SRGAP3: variants seen among roughly 807,000 people sequenced by gnomAD.
SRGAP3 encodes SLIT-ROBO Rho GTPase activating protein 3.
In SRGAP3, 39 loss-of-function variants were observed where a neutral mutation model predicts 121.1. That is an observed-to-expected ratio of 0.32 (90% confidence interval 0.25 to 0.42). The LOEUF is 0.42. SRGAP3 is among the 10% of genes least tolerant of loss of function. The probability of loss-of-function intolerance (pLI) is 1.00; values close to 1 mark genes in which losing one functional copy is unlikely to be tolerated. For synonymous variants in SRGAP3, 601 were observed against 570.0 expected (o/e 1.05, Z -0.77); for missense variants, 1,213 against 1,470.6 (o/e 0.82, Z 2.86).
At position 9,086,517 on chromosome 3, in the gene SRGAP3, CAAAAAAAA is replaced by C. The variant is rs1242587521; in HGVS notation, c.424-6438_424-6431del. Among the ~76,000 whole-genome samples, 5 of 87,088 alleles carry C rather than the reference CAAAAAAAA, an allele frequency of 5.7e-5. No homozygotes were observed. The East Asian group carries it at 1.4e-3, about 25-fold the overall frequency. The allele number at this position is 87,088 out of a possible 152,430, so 57.1% of individuals were successfully genotyped here. ...CCTGGGTGACAGAATGAGACTGTTT[CAAAAAAAA>C]AAAAAAAAAAAAACCATATATACGT... On this transcript the variant is annotated intron_variant, in intron 3 of 21. Transcript: ENST00000383836.
chr3:9,270,806 G>T (rs1954459585), intron 3 of SRGAP3, among the ~76,000 whole-genome samples: 1 of 152,058 alleles, frequency 6.6e-6, no homozygotes, highest in African/African-American at 2.4e-5. Context: ...TTAAGCAAGA[G>T]ATTTTTTTTT....
At position 8,985,516 on chromosome 3, in the gene SRGAP3, A is replaced by T; in HGVS notation, c.*3T>A. 1 of 1,598,164 alleles carries T rather than the reference A, an allele frequency of 6.3e-7. No homozygotes were observed. The highest frequency in any genetic ancestry group is 8.5e-7 in the Non-Finnish European group (1 of 1,179,388). ...GCCACGGCGGCGCGGCCCATCCTGCAGGTCACATGGTGCCCGACTTGTCCG... is the reference window on the plus strand; with the variant it reads ...GCCACGGCGGCGCGGCCCATCCTGCTGGTCACATGGTGCCCGACTTGTCCG... On this transcript the variant is annotated 3_prime_UTR_variant, in exon 22 of 22. Transcript: ENST00000383836. This position sits in a 1 kb window ranked among gnomAD's most constrained non-coding sequence, Gnocchi z 5.1.
At chr3:9,313,240 C>T (rs1367092200) in intron 3 of SRGAP3, among the ~76,000 whole-genome samples, 2 of 152,210 alleles carry the variant, frequency 1.3e-5, no homozygotes, top group African/African-American at 4.8e-5. Context: ...CCTAGATACC[C>T]ACATGGCACG....
chr3:9,206,579 A>G (rs1161389921), intron 1 of SRGAP3, among the ~76,000 whole-genome samples: 1 of 152,152 alleles, frequency 6.6e-6, no homozygotes, highest in Non-Finnish European at 1.5e-5. Flanking sequence ...CTGCCACAGC[A>G]GCCTCCTGAA....
chr3:9,206,441 G>A (rs1449969504), intron 1 of SRGAP3, among the ~76,000 whole-genome samples: 1 of 152,112 alleles, frequency 6.6e-6, no homozygotes, highest in Non-Finnish European at 1.5e-5. Context: ...TCCTCAAATA[G>A]ACTCATCATC....
intron 1 of SRGAP3, among the ~76,000 whole-genome samples, chr3:9,348,218 TGTG>T (rs1955941909): frequency 6.6e-6 from 1 of 152,184 alleles, no homozygotes; most frequent in Non-Finnish European, 1.5e-5. Flanking sequence ...GCACATTCTC[TGTG>T]GTAGGTGAAA....
At chr3:9,139,382 A>C (rs1949771903) in intron 1 of SRGAP3, among the ~76,000 whole-genome samples, 1 of 152,212 alleles carries the variant, frequency 6.6e-6, no homozygotes, top group African/African-American at 2.4e-5. Context: ...ACCCTAATGC[A>C]ATTACAAGTG....
At chr3:9,253,866 T>C (rs1368226064), upstream of SRGAP3, among the ~76,000 whole-genome samples, 2 of 152,220 alleles carry the variant, frequency 1.3e-5, no homozygotes, top group African/African-American at 2.4e-5. Context: ...AGGGCTGTTT[T>C]CAATACCTGT....
chr3:9,071,618 GGAGA>G (rs1946720028), intron 4 of SRGAP3, among the ~76,000 whole-genome samples: 1 of 151,680 alleles, frequency 6.6e-6, no homozygotes, highest in African/African-American at 2.4e-5. Flanking sequence ...ACCAGAAGTG[GGAGA>G]GAGACTGATT....
chr3:9,286,853 C>T (rs1295875041), intron 3 of SRGAP3, among the ~76,000 whole-genome samples: 1 of 151,938 alleles, frequency 6.6e-6, no homozygotes, highest in Non-Finnish European at 1.5e-5. Flanking sequence ...CTGCCTGCCT[C>T]AGCCTCCCAA....
In SRGAP3 at chr3:9,266,172, T is replaced by C. The variant is rs77066246; in HGVS notation, n.442+59838A>G. Among the ~76,000 whole-genome samples the C allele has an allele frequency of 2.6e-3, 396 of 152,154 alleles. 2 individuals are homozygous for C. Among genetic ancestry groups the C allele is most frequent in the African/African-American group, 9.3e-3 (385 of 41,510 alleles). On this transcript the variant is annotated intron_variant and non_coding_transcript_variant, in intron 3 of 3. Transcript: ENST00000490889. The stretch of plus-strand genomic sequence containing the variant: ...TCACTCATAAGTGGGAGTTGAACAA[T>C]GAGAACATATGGACACAGGGAGAGG...
intron 1 of SRGAP3, among the ~76,000 whole-genome samples, chr3:9,237,450 A>C (rs1953455207): frequency 6.6e-6 from 1 of 152,244 alleles, no homozygotes; most frequent in African/African-American, 2.4e-5. Context: ...GAAGAAACAA[A>C]GAAAGCGTGA....
rs1341383412 is a variant in SRGAP3 at position 9,248,898 on chromosome 3, T to G, written c.54A>C (p.Glu18Asp). The G allele has an allele frequency of 6.2e-7, 1 of 1,614,248 alleles. No homozygotes were observed. The highest frequency in any genetic ancestry group is 2.2e-5 in the East Asian group (1 of 44,886). Residue 18 changes from glutamate (E) to aspartate (D), a missense_variant, in exon 1 of 22, where the codon GAA becomes GAC. This residue lies in a region of SRGAP3 where 793 missense variants were observed against 1,032.9 expected (regional missense o/e 0.77). Transcript: ENST00000383836. ...KKDKEIIAEY[E>D]AQIKEIRTQL... is the part of the protein sequence containing the mutation. ...CCCGCATCTCACCTTTTATTTGGGCTTCATATTCAGCAATGATCTCTTTGT... is the reference window on the plus strand; with the variant it reads ...CCCGCATCTCACCTTTTATTTGGGCGTCATATTCAGCAATGATCTCTTTGT...
At chr3:9,280,447 G>C (rs73122633) in intron 3 of SRGAP3, among the ~76,000 whole-genome samples, 9,681 of 152,224 alleles carry the variant, frequency 0.064, 1,045 homozygotes, top group African/African-American at 0.22. Flanking sequence ...CTTCAGAGCT[G>C]GGGGGCAGGT....
intron 1 of SRGAP3, among the ~76,000 whole-genome samples, chr3:9,195,826 T>A (rs1951897996): frequency 6.6e-6 from 1 of 151,844 alleles, no homozygotes; most frequent in African/African-American, 2.4e-5. Flanking sequence ...AGTGCTGGTG[T>A]GCGCCTGCAG....
chr3:9,262,534 C>CAAAAAGAAAAAAAAA (rs1954274686), intron 3 of SRGAP3, among the ~76,000 whole-genome samples: 1 of 25,582 alleles, frequency 3.9e-5, no homozygotes, highest in Admixed American at 6.1e-4. Context: ...AAATGGAAAG[C>CAAAAAGAAAAAAAAA]AAAAAAAAAA....
At chr3:9,270,910 A>T (rs940462467) in intron 3 of SRGAP3, among the ~76,000 whole-genome samples, 9 of 152,146 alleles carry the variant, frequency 5.9e-5, no homozygotes, top group Non-Finnish European at 1.2e-4. Context: ...TGAAGACAAA[A>T]GCAGAAGACT....
rs1041706578 is a variant in SRGAP3 at position 8,984,574 on chromosome 3, G to A, written c.*945C>T. 1.3e-5 allele frequency: 3 copies of A among 232,730 alleles called. No homozygotes were observed. The highest frequency in any genetic ancestry group is 2.5e-5 in the Non-Finnish European group (3 of 117,728). 14.4% of individuals were successfully genotyped at this position (232,730 alleles called of 1,614,324 possible). A position where few individuals can be genotyped will look rare whatever the true frequency, so the allele number is the denominator to read the frequency against. ...ATTTTTCCCAACCACATGTAATACT[G>A]TGCTACGATGGGGCTTAGGTTCTCA... On this transcript the variant is annotated 3_prime_UTR_variant, in exon 22 of 22. Coordinates refer to ENST00000383836, the MANE Select transcript of SRGAP3 (RefSeq NM_014850.4).
intron 2 of SRGAP3, among the ~76,000 whole-genome samples, chr3:9,120,182 C>T (rs1334252940): frequency 6.6e-6 from 1 of 152,232 alleles, no homozygotes; most frequent in Non-Finnish European, 1.5e-5. Flanking sequence ...AACCCAGGGT[C>T]TGGCACATGG....
Sources: gnomAD v4.1 joint callset for allele counts (sites outside exome capture counted in the v4.1 genomes callset) on GRCh38, gnomAD v4.1.1 for gene constraint, gnomAD v4.1.1 regional missense constraint, Gnocchi (gnomAD v3.1) non-coding constraint, MANE v1.5 for transcripts, NCBI Gene and HGNC (gene_info 2026-07-23, HGNC 2026-07-21) for gene names.